NOP53: variants seen among roughly 807,000 people sequenced by gnomAD.
NOP53 encodes NOP53 ribosome biogenesis factor.
NOP53 carries 40 observed loss-of-function variants against 61.0 expected under a neutral mutation model. That is an observed-to-expected ratio of 0.66 (90% CI 0.51 to 0.85). The LOEUF (loss-of-function observed/expected upper bound fraction) is 0.85, where lower values mean the gene tolerates loss of function less well. NOP53 is among the 40% of genes least tolerant of loss of function. NOP53 has a pLI of 0.00. For synonymous variants in NOP53, 308 were observed against 289.5 expected, an observed-to-expected ratio of 1.06 and a Z score of -0.65; for missense variants, 689 against 652.9, an observed-to-expected ratio of 1.06 and a Z score of -0.60.
chr19:47,751,964 G>A (rs1967129782), intron 5 of NOP53, among the ~76,000 whole-genome samples: 1 of 152,086 alleles, frequency 6.6e-6, no homozygotes, highest in Admixed American at 6.6e-5. Flanking sequence ...AAAATTAGCT[G>A]GGCTTGGTGG....
intron 2 of NOP53, among the ~76,000 whole-genome samples, chr19:47,747,303 A>G (rs1451258236): frequency 1.3e-5 from 2 of 152,134 alleles, no homozygotes; most frequent in Non-Finnish European, 2.9e-5. Context: ...GAAACACATT[A>G]AAGGATCTCT....
Position 47,752,684 on chromosome 19 carries a change from G to C in NOP53, c.765+77G>C, listed in dbSNP as rs1006088124. 2.2e-5 allele frequency: 20 copies of C among 919,830 alleles called. No homozygotes were observed. The Admixed American group carries it at 3.4e-4, about 16-fold the overall frequency. 57.0% of individuals were successfully genotyped at this position (919,830 alleles called of 1,614,324 possible). A position where few individuals can be genotyped will look rare whatever the true frequency, so the allele number is the denominator to read the frequency against. On this transcript the variant is annotated intron_variant, in intron 6 of 12. Coordinates refer to ENST00000246802, the MANE Select transcript of NOP53 (RefSeq NM_015710.5). ...AGGCCTTCACTAGCTTCCTCCCTGTGCTGGGAACTCCAATGACCCAGACAG... is the reference window on the plus strand; with the variant it reads ...AGGCCTTCACTAGCTTCCTCCCTGTCCTGGGAACTCCAATGACCCAGACAG...
Position 47,755,520 on chromosome 19 carries a change from T to C in NOP53, c.1226T>C (p.Leu409Pro). 6.8e-7 allele frequency: 1 copy of C among 1,468,934 alleles called. No individual in the cohort carries two copies. Among genetic ancestry groups the C allele is most frequent in the Non-Finnish European group, 9.0e-7 (1 of 1,113,234 alleles). 91.0% of individuals were successfully genotyped at this position (1,468,934 alleles called of 1,614,324 possible). A position where few individuals can be genotyped will look rare whatever the true frequency, so the allele number is the denominator to read the frequency against. ...GACAAGCCCCGAAGGCTGGGGCGGC[T>C]CAAGTGAGAACCAGGCCGGGGGTTC... ...EADKPRRLGRLKYQAPDIDVQ... is the reference protein window; with the variant it reads ...EADKPRRLGRPKYQAPDIDVQ... Residue 409 changes from leucine to proline, a missense_variant, in exon 9 of 13, where the codon CTC (leucine) becomes CCC (proline). By Grantham distance (98) the Leu-to-Pro change is moderately conservative. Transcript: ENST00000246802.
At chr19:47,746,372 T>A (rs1967065353) in intron 1 of NOP53, 1 of 143,598 alleles carries the variant, frequency 7.0e-6, no homozygotes, top group South Asian at 2.3e-4. Flanking sequence ...TTCTTTTTTC[T>A]TTTTTTTTTG....
Position 47,750,158 on chromosome 19 carries a change from G to A in NOP53, c.290-20G>A. ...GTGGGTAGGGCTGAGGCCTTGACTTGTTCTCTTTCCCATTCTTAGGGCTGA... is the reference window on the plus strand; with the variant it reads ...GTGGGTAGGGCTGAGGCCTTGACTTATTCTCTTTCCCATTCTTAGGGCTGA... On this transcript the variant is annotated intron_variant, in intron 2 of 12. Transcript: ENST00000246802. The A allele has an allele frequency of 3.3e-6, 5 of 1,527,344 alleles. No homozygotes were observed. Among genetic ancestry groups the A allele is most frequent in the South Asian group, 2.2e-5 (2 of 89,310 alleles). The allele number at this position is 1,527,344 out of a possible 1,614,324, so 94.6% of individuals were successfully genotyped here.
intron 5 of NOP53, 49 bp from the exon 6 acceptor site, chr19:47,752,463 C>A: frequency 8.5e-7 from 1 of 1,180,708 alleles, no homozygotes; most frequent in Non-Finnish European, 1.3e-6. Flanking sequence ...CCTGGGTCAC[C>A]CGCAGCCCCA....
chr19:47,746,671 T>G (rs1967068631), intron 1 of NOP53: 1 of 257,082 alleles, frequency 3.9e-6, no homozygotes, highest in Non-Finnish European at 7.6e-6. Flanking sequence ...CCAGCCTAAT[T>G]TTTGTATTTT....
At position 47,746,868 on chromosome 19, in the gene NOP53, C is replaced by T. The variant is rs147533234; in HGVS notation, c.225-99C>T. 4.9e-5 allele frequency: 47 copies of T among 951,670 alleles called. 1 individual carries two copies. The highest frequency in any genetic ancestry group is 4.2e-4 in the South Asian group (30 of 71,634). The allele number at this position is 951,670 out of a possible 1,614,324, so 59.0% of individuals were successfully genotyped here. A position where few individuals can be genotyped will look rare whatever the true frequency, so the allele number is the denominator to read the frequency against. On this transcript the variant is annotated intron_variant, in intron 1 of 12. Transcript: ENST00000246802. ...GCCTTAGCCTGGAAGAGTCCGGTGGCGGGACTTGACTAAGCGGAAGATGAA... is the reference window on the plus strand; with the variant it reads ...GCCTTAGCCTGGAAGAGTCCGGTGGTGGGACTTGACTAAGCGGAAGATGAA...
rs532682604 is a variant in NOP53 at position 47,746,670 on chromosome 19, T to G, written c.225-297T>G. ...GTGTGAGCCACCACACCCAGCCTAA[T>G]TTTTGTATTTTTAGTAAAGGCAGGG... On this transcript the variant is annotated intron_variant, in intron 1 of 12. Coordinates refer to ENST00000246802, the MANE Select transcript of NOP53 (RefSeq NM_015710.5). 2.7e-4 allele frequency: 69 copies of G among 253,898 alleles called. No individual in the cohort carries two copies. The South Asian group carries it at 3.3e-3, about 12-fold the overall frequency. 15.7% of individuals were successfully genotyped at this position (253,898 alleles called of 1,614,324 possible).
At chr19:47,750,034 TCCAGG>T (rs1967105544) in intron 2 of NOP53, 139 bp from the exon 3 acceptor site, 1 of 563,932 alleles carries the variant, frequency 1.8e-6, no homozygotes, top group Admixed American at 3.0e-5. Context: ...GGCCTCTACC[TCCAGG>T]TAGGAGCCTG....
intron 9 of NOP53, 25 bp downstream of exon 9, chr19:47,755,548 G>C (rs1388114696): frequency 6.8e-7 from 1 of 1,461,000 alleles, no homozygotes; most frequent in African/African-American, 1.4e-5. Flanking sequence ...GGGGGTTCTG[G>C]GAGAGGCTGG....
At chr19:47,751,314 G>A in intron 4 of NOP53, 2 of 647,962 alleles carry the variant, frequency 3.1e-6, no homozygotes, top group South Asian at 1.9e-5. Context: ...AGGAAAGGAA[G>A]CCTTCAGCTT....
Position 47,750,247 on chromosome 19 carries a change from T to C in NOP53, c.359T>C (p.Leu120Pro), listed in dbSNP as rs376945750. 7.6e-5 allele frequency: 123 copies of C among 1,611,564 alleles called. No individual in the cohort carries two copies. The highest frequency in any genetic ancestry group is 9.7e-5 in the Non-Finnish European group (114 of 1,177,776). ...CTCAAGAAACCCCTTCGGGTTGACC[T>C]CATCCTCGAGAACACATCCAAAGTC... ...LLLKKPLRVD[L>P]ILENTSKVPA... Residue 120 changes from leucine (L) to proline (P), a missense_variant, in exon 3 of 13, where the codon CTC becomes CCC. Transcript: ENST00000246802.
chr19:47,755,253 G>A (rs1189736754), intron 8 of NOP53, 95 bp from the exon 9 acceptor site: 7 of 807,644 alleles, frequency 8.7e-6, no homozygotes, highest in Admixed American at 3.7e-5. Flanking sequence ...TCCGGGGACA[G>A]GCAGGTTTGT....
At chr19:47,752,216 G>C (rs896237637) in intron 5 of NOP53, among the ~76,000 whole-genome samples, 2 of 152,214 alleles carry the variant, frequency 1.3e-5, no homozygotes, top group Non-Finnish European at 2.9e-5. Context: ...GCTGGCAAGT[G>C]GCAGAAGTGT....
At position 47,750,927 on chromosome 19, in the gene NOP53, C is replaced by T; in HGVS notation, c.418C>T (p.Pro140Ser). The T allele has an allele frequency of 3.8e-6, 6 of 1,593,958 alleles. No homozygotes were observed. Among genetic ancestry groups the T allele is most frequent in the Non-Finnish European group, 5.1e-6 (6 of 1,171,886 alleles). ...APKDVLAHQV[P>S]NAKKLRRKEQ... ...GACCAGCGTCCTCGCCCACCAGGTC[C>T]CCAACGCCAAGAAGCTCAGGCGGAA... is the stretch of plus-strand genomic sequence containing the variant. The change falls in exon 4 of 13, where the codon CCC (proline) becomes TCC (serine). Residue 140 changes from proline to serine, a missense_variant. Transcript: ENST00000246802.
chr19:47,756,551 C>G lies in NOP53; in HGVS notation c.1320C>G (p.Asp440Glu). 1 of 1,614,024 alleles carries G rather than the reference C, an allele frequency of 6.2e-7. No individual in the cohort carries two copies. Among genetic ancestry groups the G allele is most frequent in the Non-Finnish European group, 8.5e-7 (1 of 1,179,974 alleles). ...AGCCCGAGGGCAACATCCTTCGAGA[C>G]CGGTTCAAGAGCTTCCAGAGGAGGA... ...TLKPEGNILRDRFKSFQRRNM... is the reference protein window; with the variant it reads ...TLKPEGNILRERFKSFQRRNM... The change falls in exon 11 of 13, where the codon GAC (aspartate) becomes GAG (glutamate). Residue 440 changes from aspartate (D) to glutamate (E), a missense_variant. Asp to Glu is a conservative substitution (Grantham distance 45, BLOSUM62 2). Transcript: ENST00000246802.
Position 47,754,994 on chromosome 19 carries a change from C to A in NOP53, c.1053+103C>A. 2 of 1,080,886 alleles carry A rather than the reference C, an allele frequency of 1.9e-6. No individual in the cohort carries two copies. The highest frequency in any genetic ancestry group is 2.6e-6 in the Non-Finnish European group (2 of 783,122). 67.0% of individuals were successfully genotyped at this position (1,080,886 alleles called of 1,614,324 possible). A position where few individuals can be genotyped will look rare whatever the true frequency, so the allele number is the denominator to read the frequency against. On this transcript the variant is annotated intron_variant, in intron 8 of 12. Transcript: ENST00000246802. The surrounding 1 kb of genome is among the most constrained non-coding windows in gnomAD (Gnocchi z 4.2). ...GGTGCTGCGGGCAGCCTGCACACCC[C>A]AAGCCCCGCATGTGGCCTGTGGTTT...
chr19:47,755,622 C>A (rs1034905082), intron 9 of NOP53, 99 bp downstream of exon 9: 18 of 1,342,494 alleles, frequency 1.3e-5, no homozygotes, highest in East Asian at 2.5e-5. Context: ...CCCACCCCCC[C>A]CATCGGGAGA....
Sources: gnomAD v4.1 joint callset for allele counts (sites outside exome capture counted in the v4.1 genomes callset) on GRCh38, gnomAD v4.1.1 for gene constraint, Gnocchi (gnomAD v3.1) non-coding constraint, MANE v1.5 for transcripts, NCBI Gene and HGNC (gene_info 2026-07-23, HGNC 2026-07-21) for gene names.